Variants in SPTAN1 observed in about 807,000 individuals in gnomAD.
SPTAN1 encodes spectrin alpha, non-erythrocytic 1.
In SPTAN1, 61 loss-of-function variants were observed where a neutral mutation model predicts 331.3. That is an observed-to-expected ratio of 0.18 (90% CI 0.15 to 0.23). The LOEUF (loss-of-function observed/expected upper bound fraction) is 0.23. Among genes scored for constraint, SPTAN1 ranks in the 10% least tolerant of loss-of-function variants. The probability of loss-of-function intolerance (pLI) is 1.00; values close to 1 mark genes in which losing one functional copy is unlikely to be tolerated. For missense variants in SPTAN1, 2,043 were observed against 3,147.9 expected (o/e 0.65, Z 8.40); for synonymous variants, 1,153 against 1,173.9 (o/e 0.98, Z 0.36).
chr9:128,630,307 C>T lies in SPTAN1; in HGVS notation c.6708-14C>T. 1 of 1,613,868 alleles carries T rather than the reference C, an allele frequency of 6.2e-7. No homozygotes were observed. The highest frequency in any genetic ancestry group is 8.5e-7 in the Non-Finnish European group (1 of 1,179,944). Reference sequence around the variant, plus strand: ...GGGAGCAGGCCCCTTTCCTCACTGTCCTTCCACGTTTAGGTCCTGTATGGT... The same window carrying T: ...GGGAGCAGGCCCCTTTCCTCACTGTTCTTCCACGTTTAGGTCCTGTATGGT... On this transcript the variant is annotated splice_polypyrimidine_tract_variant and intron_variant, in intron 51 of 56. Coordinates refer to ENST00000372739, the MANE Select transcript of SPTAN1 (RefSeq NM_001130438.3).
chr9:128,560,965 C>G (rs770295290), intron 1 of SPTAN1, among the ~76,000 whole-genome samples: 11 of 127,026 alleles, frequency 8.7e-5, no homozygotes, highest in Admixed American at 4.1e-4. Flanking sequence ...GCTGTGAACC[C>G]AGATAGCATC....
intron 1 of SPTAN1, among the ~76,000 whole-genome samples, chr9:128,558,992 G>T (rs1035720566): frequency 1.1e-4 from 16 of 152,172 alleles, no homozygotes; most frequent in African/African-American, 3.9e-4. Context: ...TAAGAGGGGG[G>T]AAACTCTCAC....
At chr9:128,573,618 G>A (rs1019049710) in intron 3 of SPTAN1, among the ~76,000 whole-genome samples, 20 of 151,924 alleles carry the variant, frequency 1.3e-4, no homozygotes, top group African/African-American at 3.1e-4. Context: ...CACCATGCCC[G>A]GCTAATTTAT....
intron 37 of SPTAN1, among the ~76,000 whole-genome samples, chr9:128,610,422 A>C (rs1856433276): frequency 6.6e-6 from 1 of 152,204 alleles, no homozygotes; most frequent in South Asian, 2.1e-4. Context: ...TGGCTTTGGG[A>C]TCAGGCGGTG....
intron 2 of SPTAN1, among the ~76,000 whole-genome samples, chr9:128,568,551 A>G (rs1198186964): frequency 6.6e-6 from 1 of 152,188 alleles, no homozygotes; most frequent in Non-Finnish European, 1.5e-5. Context: ...GTGAGTGAGG[A>G]CCATTGATGG....
intron 1 of SPTAN1, among the ~76,000 whole-genome samples, chr9:128,554,597 C>G (rs571874466): frequency 3.9e-5 from 6 of 152,348 alleles, no homozygotes; most frequent in African/African-American, 1.4e-4. Flanking sequence ...CAAGTGTGTT[C>G]AAGGCTGGCC....
chr9:128,608,771 A>T, intron 34 of SPTAN1, 103 bp from the exon 35 acceptor site: 1 of 1,080,848 alleles, frequency 9.3e-7, no homozygotes, highest in Non-Finnish European at 1.4e-6. Context: ...GCCACCAGCT[A>T]GTTCTCAGTC....
Position 128,587,586 on chromosome 9 carries a change from A to G in SPTAN1, c.2779-20A>G, listed in dbSNP as rs768426112. Reference sequence around the variant, plus strand: ...GGCTTCAGCCCCTGCACAGTGCTCCATGTGTGGTTTTGGTTTCAGGCTCTA... The same window carrying G: ...GGCTTCAGCCCCTGCACAGTGCTCCGTGTGTGGTTTTGGTTTCAGGCTCTA... On this transcript the variant is annotated intron_variant, in intron 19 of 56. Coordinates refer to ENST00000372739, the MANE Select transcript of SPTAN1 (RefSeq NM_001130438.3). 1 of 1,610,984 alleles carries G rather than the reference A, an allele frequency of 6.2e-7. No homozygotes were observed. The highest frequency in any genetic ancestry group is 8.5e-7 in the Non-Finnish European group (1 of 1,178,026).
chr9:128,553,263 T>C (rs940944905), intron 1 of SPTAN1: 1 of 152,306 alleles, frequency 6.6e-6, no homozygotes, highest in Non-Finnish European at 1.5e-5. Context: ...CTCTGCCGTC[T>C]CTCTGAACGC....
intron 40 of SPTAN1, 70 bp downstream of exon 40, chr9:128,613,555 A>C: frequency 7.8e-7 from 1 of 1,287,754 alleles, no homozygotes; most frequent in Non-Finnish European, 1.1e-6. Context: ...AAGGAAAACA[A>C]GCGTGTTTGA....
At chr9:128,589,673 T>C (rs2131284516) in intron 21 of SPTAN1, among the ~76,000 whole-genome samples, 1 of 149,300 alleles carries the variant, frequency 6.7e-6, no homozygotes, top group East Asian at 2.0e-4. Flanking sequence ...CCTCCCAGGT[T>C]CACGCCATTC....
At chr9:128,556,163 A>T (rs892638022) in intron 1 of SPTAN1, among the ~76,000 whole-genome samples, 1 of 152,002 alleles carries the variant, frequency 6.6e-6, no homozygotes, top group African/African-American at 2.4e-5. Flanking sequence ...GGAGGTTGCA[A>T]TGAGCCGAGA....
At chr9:128,617,377 C>T (rs776692287) in intron 41 of SPTAN1, among the ~76,000 whole-genome samples, 3 of 152,094 alleles carry the variant, frequency 2.0e-5, no homozygotes, top group Non-Finnish European at 4.4e-5. Context: ...CTCAGGGCAG[C>T]ACTAGTGATG....
In SPTAN1 at chr9:128,591,500, C is replaced by T. The variant is rs202129574; in HGVS notation, c.3030C>T (p.Asn1010=). The T allele has an allele frequency of 4.8e-5, 77 of 1,614,070 alleles. No homozygotes were observed. Among genetic ancestry groups the T allele is most frequent in the African/African-American group, 1.2e-4 (9 of 75,024 alleles). ...TNKDWWKVEV[N]DRQGFVPAAY... ...AGGATTGGTGGAAAGTGGAAGTGAA[C>T]GATCGTCAGGGTTTTGTGCCGGCTG... The change falls in exon 22 of 57, where the codon AAC becomes AAT. Residue 1010 remains asparagine (N), a synonymous_variant. Coordinates refer to ENST00000372739, the MANE Select transcript of SPTAN1 (RefSeq NM_001130438.3).
At chr9:128,602,888 G>A (rs139645597) in intron 27 of SPTAN1, among the ~76,000 whole-genome samples, 19 of 152,152 alleles carry the variant, frequency 1.2e-4, no homozygotes, top group African/African-American at 4.3e-4. Context: ...CACCCACTTT[G>A]GTCCCCCAAA....
intron 9 of SPTAN1, among the ~76,000 whole-genome samples, chr9:128,578,737 G>A (rs1026983973): frequency 1.3e-5 from 2 of 151,552 alleles, no homozygotes; most frequent in South Asian, 2.1e-4. Context: ...TCTGAGGCAG[G>A]AGAATCGCTT....
In SPTAN1 at chr9:128,632,574, A is replaced by G; in HGVS notation, c.7016A>G (p.His2339Arg). The change falls in exon 55 of 57, where the codon CAC (histidine) becomes CGC (arginine). Residue 2339 changes from histidine to arginine, a missense_variant and splice_region_variant. His to Arg is a conservative substitution (Grantham distance 29). Around this residue, in one of 12 missense-constraint regions of SPTAN1, gnomAD observed 58 missense variants for 74.0 expected, o/e 0.78. Coordinates refer to ENST00000372739, the MANE Select transcript of SPTAN1 (RefSeq NM_001130438.3). ...ALKEFSMMFK[H>R]FDKDKSGRLN... The stretch of plus-strand genomic sequence containing the variant: ...CCGCCCTCGGCTTTGTGCTGCAGAC[A>G]CTTTGACAAGGACAAGTCTGGCAGG... 1 of 1,614,094 alleles carries G rather than the reference A, an allele frequency of 6.2e-7. No individual in the cohort carries two copies. The highest frequency in any genetic ancestry group is 2.2e-5 in the East Asian group (1 of 44,880).
Position 128,612,257 on chromosome 9 carries a change from G to A in SPTAN1, c.5043+11G>A, listed in dbSNP as rs2131683189. 2.5e-6 allele frequency: 4 copies of A among 1,614,180 alleles called. No individual in the cohort carries two copies. Among genetic ancestry groups the A allele is most frequent in the South Asian group, 2.2e-5 (2 of 91,082 alleles). ...TTCTGGCTGTCTGAGGTAACACTGA[G>A]TGGTTCCTCTTCCTACCAGTGGGGG... is the stretch of plus-strand genomic sequence containing the variant. On this transcript the variant is annotated intron_variant, in intron 39 of 56. Coordinates refer to ENST00000372739, the MANE Select transcript of SPTAN1 (RefSeq NM_001130438.3).
rs547012864 is a variant in SPTAN1, at chr9:128,566,866, T to C, written c.126T>C (p.Asp42=). The change falls in exon 2 of 57, where the codon GAT becomes GAC. Residue 42 remains aspartate, a synonymous_variant. Coordinates refer to ENST00000372739, the MANE Select transcript of SPTAN1 (RefSeq NM_001130438.3). ...CCCTTAGGCGTCAGAAGCTGGAAGA[T>C]TCCTATCGATTCCAGTTCTTTCAAA... The part of the protein sequence containing the change: ...LSTLRRQKLE[D]SYRFQFFQRD... The C allele has an allele frequency of 6.2e-6, 10 of 1,614,186 alleles. No individual in the cohort carries two copies. The East Asian group carries it at 2.2e-4, about 36-fold the overall frequency.
Sources: gnomAD v4.1 joint callset for allele counts (sites outside exome capture counted in the v4.1 genomes callset) on GRCh38, gnomAD v4.1.1 for gene constraint, gnomAD v4.1.1 regional missense constraint, MANE v1.5 for transcripts, NCBI Gene and HGNC (gene_info 2026-07-23, HGNC 2026-07-21) for gene names.